KCNIP1: variants seen among roughly 807,000 people sequenced by gnomAD.
The protein encoded by KCNIP1 is A-type potassium channel modulatory protein KCNIP1.
Under a neutral mutation model 33.0 loss-of-function variants are expected in KCNIP1, and 18 were observed. The ratio of observed to expected loss-of-function variants is 0.55; its 90% CI spans 0.38 to 0.81. KCNIP1 has a LOEUF of 0.81. Ranked by LOEUF, KCNIP1 falls within the 30% of genes least tolerant of loss-of-function variation. KCNIP1 has a pLI of 0.00. For missense variants in KCNIP1, 238 were observed against 271.6 expected (o/e 0.88, Z 0.87); for synonymous variants, 93 against 98.3 (o/e 0.95, Z 0.32).
chr5:170,606,687 C>T (rs192771321), intron 1 of KCNIP1, among the ~76,000 whole-genome samples: 96 of 152,228 alleles, frequency 6.3e-4, no homozygotes, highest in African/African-American at 2.0e-3. Context: ...CGACCTCATC[C>T]GATCCTCATA....
intron 1 of KCNIP1, among the ~76,000 whole-genome samples, chr5:170,613,608 A>AGAAGAGAAGG (rs1469859645): frequency 6.6e-6 from 1 of 152,194 alleles, no homozygotes; most frequent in Non-Finnish European, 1.5e-5. Context: ...GAAAGGAGGA[A>AGAAGAGAAGG]GAAGAGAAGG....
rs758788142 is a variant in KCNIP1, at chr5:170,353,965, G to T, written c.88+1G>T. ...CTCATCACTGGGACCCTCAGCAAAG[G>T]TATGGAAACTGGCCTTGACCCTTGC... On this transcript the variant is annotated splice_donor_variant, in intron 1 of 7. Transcript: ENST00000377360. LOFTEE classifies it high-confidence loss of function. 1 of 1,613,844 alleles carries T rather than the reference G, an allele frequency of 6.2e-7. No homozygotes were observed. The highest frequency in any genetic ancestry group is 1.1e-5 in the South Asian group (1 of 91,056).
intron 1 of KCNIP1, among the ~76,000 whole-genome samples, chr5:170,647,092 G>T (rs1461383248): frequency 6.6e-6 from 1 of 152,096 alleles, no homozygotes; most frequent in Non-Finnish European, 1.5e-5. Context: ...ACAAAACTCT[G>T]ATGAAAGAAA....
At chr5:170,363,094 T>A (rs1001736279) in intron 1 of KCNIP1, among the ~76,000 whole-genome samples, 1 of 152,244 alleles carries the variant, frequency 6.6e-6, no homozygotes, top group Non-Finnish European at 1.5e-5. Context: ...CTGGGGGCTT[T>A]ACAAGGATTC....
At chr5:170,384,884 TC>T (rs980381241) in intron 1 of KCNIP1, among the ~76,000 whole-genome samples, 10 of 152,252 alleles carry the variant, frequency 6.6e-5, no homozygotes, top group African/African-American at 2.2e-4. Context: ...GGCAAGGAGC[TC>T]CCCGTCTCTT....
intron 1 of KCNIP1, among the ~76,000 whole-genome samples, chr5:170,380,961 G>A (rs1432872636): frequency 1.3e-5 from 2 of 152,154 alleles, no homozygotes; most frequent in Admixed American, 6.5e-5. Flanking sequence ...CCCAGCACAC[G>A]ATAAGAACTC....
At chr5:170,693,303 C>T (rs923981235) in intron 1 of KCNIP1, among the ~76,000 whole-genome samples, 14 of 152,196 alleles carry the variant, frequency 9.2e-5, no homozygotes, top group Non-Finnish European at 2.1e-4. Flanking sequence ...GCTGACACCA[C>T]GTAGAATGAC....
intron 1 of KCNIP1, among the ~76,000 whole-genome samples, chr5:170,556,643 C>T (rs1260693245): frequency 6.6e-6 from 1 of 152,190 alleles, no homozygotes; most frequent in Non-Finnish European, 1.5e-5. Context: ...CGGAAGCAGG[C>T]TAGAGCCAGC....
chr5:170,470,655 G>A (rs993123966), intron 1 of KCNIP1, among the ~76,000 whole-genome samples: 1 of 152,214 alleles, frequency 6.6e-6, no homozygotes, highest in African/African-American at 2.4e-5. Flanking sequence ...AATACATGGA[G>A]ACTATGTGTT....
chr5:170,611,439 G>T (rs1410663663), intron 1 of KCNIP1, among the ~76,000 whole-genome samples: 4 of 152,224 alleles, frequency 2.6e-5, no homozygotes, highest in Non-Finnish European at 4.4e-5. Flanking sequence ...TGCAGCCAAG[G>T]TCCAGAGGGG....
chr5:170,433,765 C>A (rs1355093101), intron 1 of KCNIP1, among the ~76,000 whole-genome samples: 1 of 152,196 alleles, frequency 6.6e-6, no homozygotes, highest in African/African-American at 2.4e-5. Flanking sequence ...ATGCTAAATT[C>A]TTCACTGTTT....
intron 1 of KCNIP1, among the ~76,000 whole-genome samples, chr5:170,681,657 A>G (rs1762356584): frequency 6.6e-6 from 1 of 152,236 alleles, no homozygotes; most frequent in Admixed American, 6.5e-5. Flanking sequence ...AACACATTTA[A>G]TAAATGTCAG....
At chr5:170,589,723 ATGTGGTGTGG>A (rs70979189) in intron 1 of KCNIP1, among the ~76,000 whole-genome samples, 6,199 of 132,406 alleles carry the variant, frequency 0.047, 175 homozygotes, top group East Asian at 0.074. Context: ...GTGTGGTGTG[ATGTGGTGTGG>A]TGTGGTGTGG....
intron 1 of KCNIP1, among the ~76,000 whole-genome samples, chr5:170,431,698 C>A (rs529482058): frequency 2.1e-4 from 32 of 152,344 alleles, no homozygotes; most frequent in Admixed American, 1.9e-3. Context: ...ACAGAGGTTG[C>A]CGGGGCATCC....
At chr5:170,409,632 A>C (rs1000803056) in intron 1 of KCNIP1, among the ~76,000 whole-genome samples, 3 of 152,090 alleles carry the variant, frequency 2.0e-5, no homozygotes, top group Admixed American at 6.5e-5. Context: ...CCAGAGCTCC[A>C]GGCCAAGATG....
intron 1 of KCNIP1, among the ~76,000 whole-genome samples, chr5:170,619,910 C>CCTCCTT (rs1456336107): frequency 6.6e-6 from 1 of 152,116 alleles, no homozygotes. Context: ...TCACAGCTCT[C>CCTCCTT]CAACTTCAAG....
At chr5:170,436,356 G>T (rs948344425) in intron 1 of KCNIP1, among the ~76,000 whole-genome samples, 4 of 152,160 alleles carry the variant, frequency 2.6e-5, no homozygotes, top group African/African-American at 9.7e-5. Context: ...TTCCTGCTCC[G>T]CCTGGTGAGC....
rs1307033532 is a variant in KCNIP1, at chr5:170,359,135, A to G, written c.88+5171A>G. Among the ~76,000 whole-genome samples, 4 of 152,152 alleles carry G rather than the reference A, an allele frequency of 2.6e-5. No individual in the cohort carries two copies. The South Asian group carries it at 6.2e-4, about 24-fold the overall frequency. On this transcript the variant is annotated intron_variant, in intron 1 of 7. Coordinates refer to the KCNIP1 transcript ENST00000377360. ...ACAGCCATACCCATGCTCTCTCAGT[A>G]TCCCTATCACCTCTCAGGCAGGTGT... is the stretch of plus-strand genomic sequence containing the variant.
chr5:170,450,810 C>T (rs191284666), intron 1 of KCNIP1, among the ~76,000 whole-genome samples: 10 of 152,270 alleles, frequency 6.6e-5, no homozygotes, highest in African/African-American at 1.9e-4. Flanking sequence ...TAAAATCCTG[C>T]GGATCGCAAG....
Sources: allele counts gnomAD v4.1 joint callset (sites outside exome capture counted in the v4.1 genomes callset), GRCh38; gene constraint gnomAD v4.1.1; transcripts MANE v1.5; gene names NCBI Gene and HGNC (gene_info 2026-07-23, HGNC 2026-07-21).